The following CADM2 variants were observed in gnomAD, a reference collection of about 807,000 sequenced individuals.
CADM2 encodes immunoglobulin superfamily member 4D.
CADM2 carries 12 observed loss-of-function variants against 49.8 expected under a neutral mutation model. The observed-to-expected ratio is 0.24, with a 90% CI of 0.15 to 0.39. CADM2 has a LOEUF of 0.39. Among genes scored for constraint, CADM2 ranks in the 10% least tolerant of loss-of-function variants. The pLI is 1.00. For synonymous variants in CADM2, 214 were observed against 175.4 expected (o/e 1.22, Z -1.74); for missense variants, 378 against 492.3 (o/e 0.77, Z 2.20).
At chr3:86,013,519 CGTT>C (rs1731813215) in intron 8 of CADM2, 47 of 1,604,664 alleles carry the variant, frequency 2.9e-5, no homozygotes, top group Non-Finnish European at 4.0e-5. Flanking sequence ...GCAGTTAACA[CGTT>C]GTTTTCTTCA....
At chr3:85,598,595 T>C (rs1036309615) in intron 1 of CADM2, among the ~76,000 whole-genome samples, 2 of 151,906 alleles carry the variant, frequency 1.3e-5, no homozygotes, top group Non-Finnish European at 2.9e-5. Context: ...GCTCTGGTAA[T>C]AATAAGACTT....
intron 8 of CADM2, among the ~76,000 whole-genome samples, chr3:86,017,425 A>G (rs1489102798): frequency 6.6e-6 from 1 of 152,064 alleles, no homozygotes; most frequent in Non-Finnish European, 1.5e-5. Context: ...TTTAGCAAGT[A>G]CTGTTAGGAA....
intron 1 of CADM2, among the ~76,000 whole-genome samples, chr3:85,689,112 C>T (rs976530375): frequency 2.0e-5 from 3 of 151,990 alleles, no homozygotes; most frequent in Non-Finnish European, 4.4e-5. Flanking sequence ...TCAATAGATG[C>T]AAAAACATGG....
chr3:85,598,616 A>G (rs1466935311), intron 1 of CADM2, among the ~76,000 whole-genome samples: 1 of 151,916 alleles, frequency 6.6e-6, no homozygotes, highest in Non-Finnish European at 1.5e-5. Context: ...AAAAGCTAGT[A>G]CTCAATATTG....
At chr3:85,915,840 T>C (rs1010804681) in intron 6 of CADM2, among the ~76,000 whole-genome samples, 3 of 152,280 alleles carry the variant, frequency 2.0e-5, no homozygotes, top group Admixed American at 1.3e-4. Flanking sequence ...AGAGATGATA[T>C]TGTTTTCAGT....
intron 1 of CADM2, among the ~76,000 whole-genome samples, chr3:85,602,678 G>A (rs2063441839): frequency 6.6e-6 from 1 of 151,634 alleles, no homozygotes; most frequent in Non-Finnish European, 1.5e-5. Context: ...CTTAATCTAA[G>A]TTCAAAATAT....
At chr3:85,000,123 T>C (rs2033386996) in intron 1 of CADM2, among the ~76,000 whole-genome samples, 1 of 150,802 alleles carries the variant, frequency 6.6e-6, no homozygotes, top group South Asian at 2.1e-4. Context: ...TTTCTCTCTC[T>C]CTCTCTCTCT....
intron 5 of CADM2, among the ~76,000 whole-genome samples, chr3:85,905,090 T>C (rs1464830907): frequency 2.6e-5 from 4 of 152,248 alleles, no homozygotes; most frequent in Non-Finnish European, 5.9e-5. Context: ...TTTTTTCTCT[T>C]TAGTGATATT....
At chr3:85,286,085 A>C (rs2043625616) in intron 1 of CADM2, among the ~76,000 whole-genome samples, 1 of 152,096 alleles carries the variant, frequency 6.6e-6, no homozygotes, top group Non-Finnish European at 1.5e-5. Flanking sequence ...AATACACTGA[A>C]AGACATGGGC....
chr3:86,012,412 A>T, intron 8 of CADM2: 1 of 401,636 alleles, frequency 2.5e-6, no homozygotes, highest in South Asian at 4.4e-5. Context: ...ATTACAATAA[A>T]GTTGGGCTTC....
chr3:85,755,443 T>C (rs148164173), intron 2 of CADM2, among the ~76,000 whole-genome samples: 9 of 148,538 alleles, frequency 6.1e-5, no homozygotes, highest in Non-Finnish European at 1.3e-4. Flanking sequence ...ACTGTTGTGT[T>C]CAACAACCTG....
At chr3:85,058,335 G>A (rs557255340) in intron 1 of CADM2, among the ~76,000 whole-genome samples, 1 of 152,254 alleles carries the variant, frequency 6.6e-6, no homozygotes, top group South Asian at 2.1e-4. Flanking sequence ...ATATGTAGAA[G>A]TATGTGTATA....
Position 85,018,726 on chromosome 3 carries a change from G to A in CADM2, c.61+59058G>A, listed in dbSNP as rs112610429. ...GCCTTTTATAGCTTCCTTATATGCTGTCTCCTATGGTAAGAACAATGAACA... is the reference window on the plus strand; with the variant it reads ...GCCTTTTATAGCTTCCTTATATGCTATCTCCTATGGTAAGAACAATGAACA... On this transcript the variant is annotated intron_variant, in intron 1 of 9. Transcript: ENST00000383699. 8.3e-4 allele frequency among the ~76,000 whole-genome samples: 126 copies of A among 152,226 alleles called. No individual in the cohort carries two copies. The Middle Eastern group carries it at 0.017, about 21-fold the overall frequency.
chr3:86,048,981 G>GA lies in CADM2; in HGVS notation c.971-16618dup, dbSNP rs1170249184. 1.7e-4 allele frequency among the ~76,000 whole-genome samples: 26 copies of GA among 151,998 alleles called. 1 individual carries two copies. Among genetic ancestry groups the GA allele is most frequent in the African/African-American group, 5.5e-4 (23 of 41,526 alleles). Reference sequence around the variant, plus strand: ...CTCGTTTTTATGGCAAGTCTTTTCCGAAAAAAGGTAAATTTTAAAATTTTT... The same window carrying GA: ...CTCGTTTTTATGGCAAGTCTTTTCCGAAAAAAAGGTAAATTTTAAAATTTTT... On this transcript the variant is annotated intron_variant, in intron 8 of 9. Coordinates refer to ENST00000383699, the MANE Select transcript of CADM2 (RefSeq NM_001167675.2).
intron 1 of CADM2, among the ~76,000 whole-genome samples, chr3:85,273,172 A>G (rs2043281886): frequency 6.6e-6 from 1 of 151,330 alleles, no homozygotes; most frequent in Non-Finnish European, 1.5e-5. Flanking sequence ...GTTTAAGGAA[A>G]TGACAGTAGG....
chr3:85,124,416 A>G (rs1016900117), intron 1 of CADM2, among the ~76,000 whole-genome samples: 6 of 152,090 alleles, frequency 3.9e-5, no homozygotes, highest in Non-Finnish European at 5.9e-5. Flanking sequence ...TCAGCGAGAC[A>G]ACATAGTGAG....
At chr3:85,983,128 C>T (rs1241136556) in intron 8 of CADM2, among the ~76,000 whole-genome samples, 1 of 151,594 alleles carries the variant, frequency 6.6e-6, no homozygotes, top group African/African-American at 2.4e-5. Flanking sequence ...TTTAAAGAAT[C>T]ACAGCTGTAT....
chr3:85,975,594 T>C (rs1726677932), intron 8 of CADM2, among the ~76,000 whole-genome samples: 1 of 151,636 alleles, frequency 6.6e-6, no homozygotes, highest in Non-Finnish European at 1.5e-5. Flanking sequence ...CTTCACTCTT[T>C]ATAACTTAAC....
At chr3:85,254,718 T>A (rs2042846856) in intron 1 of CADM2, among the ~76,000 whole-genome samples, 1 of 152,120 alleles carries the variant, frequency 6.6e-6, no homozygotes, top group Admixed American at 6.6e-5. Flanking sequence ...ATATGCATTC[T>A]GGCCATTCTT....
Sources: gnomAD v4.1 joint callset for allele counts (sites outside exome capture counted in the v4.1 genomes callset) on GRCh38, gnomAD v4.1.1 for gene constraint, MANE v1.5 for transcripts, NCBI Gene and HGNC (gene_info 2026-07-23, HGNC 2026-07-21) for gene names.